The following PSD3 variants were observed in gnomAD, a reference collection of about 807,000 sequenced individuals.
The protein encoded by PSD3 is pleckstrin and Sec7 domain containing 3, also known as PH and SEC7 domain-containing protein 3.
Under a neutral mutation model 105.5 loss-of-function variants are expected in PSD3, and 49 were observed. The ratio of observed to expected loss-of-function variants is 0.46; its 90% confidence interval spans 0.37 to 0.59. The LOEUF (loss-of-function observed/expected upper bound fraction) is 0.59, where lower values mean the gene tolerates loss of function less well. Among genes scored for constraint, PSD3 ranks in the 20% least tolerant of loss-of-function variants. The pLI, the probability that PSD3 is intolerant of heterozygous loss-of-function variation, is 0.00. For missense variants in PSD3, 1,561 were observed against 1,263.8 expected (o/e 1.24, Z -3.57); for synonymous variants, 557 against 457.8 (o/e 1.22, Z -2.77).
chr8:18,945,409 G>A (rs950233475), intron 1 of PSD3, among the ~76,000 whole-genome samples: 2 of 152,152 alleles, frequency 1.3e-5, no homozygotes, highest in Admixed American at 1.3e-4. Flanking sequence ...TGGAGGAAGG[G>A]GCTGTGAGCC....
At chr8:18,799,524 C>T (rs753078911) in intron 7 of PSD3, among the ~76,000 whole-genome samples, 171 bp from the exon 8 acceptor site, 2 of 152,126 alleles carry the variant, frequency 1.3e-5, no homozygotes, top group Non-Finnish European at 2.9e-5. Context: ...TAGAAAGAAC[C>T]TCAATGCACA....
Position 18,558,778 on chromosome 8 carries a change from G to A in PSD3, c.2785-2426C>T, listed in dbSNP as rs185393809. On this transcript the variant is annotated intron_variant, in intron 14 of 15. Coordinates refer to ENST00000327040, the MANE Select transcript of PSD3 (RefSeq NM_015310.4). ...GGAGGCTGCAGTGAGTCGAGGTTGC[G>A]CCACTGCACTCCAGTCTGGGTGACA... 4.6e-5 allele frequency among the ~76,000 whole-genome samples: 7 copies of A among 152,208 alleles called. No individual in the cohort carries two copies. The East Asian group carries it at 7.7e-4, about 17-fold the overall frequency.
At chr8:18,651,024 AATGGACTACG>A (rs1018535317) in intron 10 of PSD3, among the ~76,000 whole-genome samples, 16 of 152,236 alleles carry the variant, frequency 1.1e-4, no homozygotes. Context: ...AAGTAACAAC[AATGGACTACG>A]TAAGTACCTT....
At chr8:18,538,203 G>A (rs1417237960) in intron 15 of PSD3, among the ~76,000 whole-genome samples, 2 of 152,196 alleles carry the variant, frequency 1.3e-5, no homozygotes, top group Non-Finnish European at 2.9e-5. Flanking sequence ...TTAAACCACT[G>A]TTTATCAAGT....
chr8:18,978,087 C>A (rs1825041605), intron 1 of PSD3, among the ~76,000 whole-genome samples: 1 of 152,176 alleles, frequency 6.6e-6, no homozygotes, highest in Admixed American at 6.5e-5. Flanking sequence ...AGGCTCCCAC[C>A]TGACTTTAGG....
At chr8:18,761,157 A>T (rs1189191473) in intron 9 of PSD3, among the ~76,000 whole-genome samples, 1 of 152,228 alleles carries the variant, frequency 6.6e-6, no homozygotes, top group Non-Finnish European at 1.5e-5. Context: ...GGATAGGCCC[A>T]GGAGAAAGAG....
At chr8:18,979,171 G>T (rs55694142) in intron 1 of PSD3, among the ~76,000 whole-genome samples, 7,973 of 121,510 alleles carry the variant, frequency 0.066, 720 homozygotes, top group African/African-American at 0.19. Context: ...CCAAGACACT[G>T]GGGGGCGGCC....
chr8:18,637,320 T>A (rs565802838), intron 10 of PSD3, among the ~76,000 whole-genome samples: 3 of 152,364 alleles, frequency 2.0e-5, no homozygotes, highest in South Asian at 2.1e-4. Flanking sequence ...ATATCCTGAC[T>A]GATTTTCTTA....
intron 2 of PSD3, among the ~76,000 whole-genome samples, chr8:18,895,808 T>C (rs1819111161): frequency 6.6e-6 from 1 of 152,222 alleles, no homozygotes; most frequent in African/African-American, 2.4e-5. Flanking sequence ...GTTGAAAACA[T>C]TAAAAGTCCA....
rs540805094 is a variant in PSD3 at position 18,739,775 on chromosome 8, C to A, written c.2172+25674G>T. 4.6e-5 allele frequency among the ~76,000 whole-genome samples: 7 copies of A among 151,998 alleles called. No homozygotes were observed. The East Asian group carries it at 1.4e-3, about 29-fold the overall frequency. ...AATCAAATCAAACAAATTAACATGCCCATTACCTCAAATACTTTTTTGCAG... is the reference window on the plus strand; with the variant it reads ...AATCAAATCAAACAAATTAACATGCACATTACCTCAAATACTTTTTTGCAG... On this transcript the variant is annotated intron_variant, in intron 9 of 15. Coordinates refer to ENST00000327040, the MANE Select transcript of PSD3 (RefSeq NM_015310.4).
chr8:18,661,394 G>A (rs1016396321), intron 9 of PSD3, among the ~76,000 whole-genome samples: 1 of 152,106 alleles, frequency 6.6e-6, no homozygotes, highest in Non-Finnish European at 1.5e-5. Flanking sequence ...GCACCACTCT[G>A]GCAGTGTTAT....
intron 1 of PSD3, among the ~76,000 whole-genome samples, chr8:19,045,791 C>T (rs2129476872): frequency 6.6e-6 from 1 of 152,252 alleles, no homozygotes; most frequent in African/African-American, 2.4e-5. Flanking sequence ...TGGGTCACCT[C>T]CTAGGTCCTA....
chr8:18,821,717 A>ACACACACAC (rs1554513425), intron 4 of PSD3, among the ~76,000 whole-genome samples: 2 of 141,120 alleles, frequency 1.4e-5, no homozygotes, highest in African/African-American at 2.7e-5. Context: ...ACACACACAC[A>ACACACACAC]CCCCAATAAC....
At chr8:18,773,782 T>C (rs1311496016) in intron 8 of PSD3, among the ~76,000 whole-genome samples, 3 of 152,280 alleles carry the variant, frequency 2.0e-5, no homozygotes, top group African/African-American at 7.2e-5. Context: ...TTTCTTTACA[T>C]ACATATACAA....
At chr8:18,644,326 A>T (rs550668623) in intron 10 of PSD3, among the ~76,000 whole-genome samples, 1 of 152,212 alleles carries the variant, frequency 6.6e-6, no homozygotes, top group Non-Finnish European at 1.5e-5. Context: ...GTATGTGGTT[A>T]AAAGTAGCTA....
chr8:19,069,974 C>T (rs1218913583), intron 1 of PSD3, among the ~76,000 whole-genome samples: 39 of 146,522 alleles, frequency 2.7e-4, no homozygotes, highest in African/African-American at 9.3e-4. Context: ...GAGACAGAGT[C>T]TTGCTCTGTC....
chr8:18,880,845 T>C (rs1193343261), intron 2 of PSD3, among the ~76,000 whole-genome samples: 2 of 152,142 alleles, frequency 1.3e-5, no homozygotes. Context: ...TTGTTAAATA[T>C]AAAAAAAGAA....
At chr8:19,028,299 C>CCCCCCTTT (rs1563517980) in intron 1 of PSD3, among the ~76,000 whole-genome samples, 1 of 96,180 alleles carries the variant, frequency 1.0e-5, no homozygotes, top group Non-Finnish European at 2.0e-5. Context: ...CCGGCCCACC[C>CCCCCCTTT]TTTTTTTTTT....
intron 1 of PSD3, among the ~76,000 whole-genome samples, chr8:18,937,221 T>G (rs556156917): frequency 2.6e-4 from 39 of 152,310 alleles, no homozygotes; most frequent in African/African-American, 8.9e-4. Context: ...CAAAGAAATT[T>G]GACCTAGCAC....
Sources: gnomAD v4.1 joint callset for allele counts (sites outside exome capture counted in the v4.1 genomes callset) on GRCh38, gnomAD v4.1.1 for gene constraint, MANE v1.5 for transcripts, NCBI Gene and HGNC (gene_info 2026-07-23, HGNC 2026-07-21) for gene names.